Variants in KRR1 observed in about 807,000 individuals in gnomAD.
The protein encoded by KRR1 is KRR1 small subunit processome component homolog.
A neutral mutation model predicts 50.0 loss-of-function variants in KRR1; 23 were observed. The ratio of observed to expected loss-of-function variants is 0.46; its 90% CI spans 0.33 to 0.65. The LOEUF (loss-of-function observed/expected upper bound fraction) is 0.65, where lower values mean the gene tolerates loss of function less well. KRR1 is among the 30% of genes least tolerant of loss of function. The pLI is 0.02. For missense variants in KRR1, 419 were observed against 442.4 expected, an observed-to-expected ratio of 0.95 and a Z score of 0.47; for synonymous variants, 133 against 146.3, an observed-to-expected ratio of 0.91 and a Z score of 0.66.
chr12:75,508,265 T>C lies in KRR1; in HGVS notation c.258+9A>G, dbSNP rs1268416363. The C allele has an allele frequency of 2.5e-6, 4 of 1,588,690 alleles. No homozygotes were observed. The highest frequency in any genetic ancestry group is 1.1e-5 in the South Asian group (1 of 88,224). On this transcript the variant is annotated intron_variant, in intron 2 of 9. Transcript: ENST00000229214. ...CTCAAATAAATGTATTGATATAAGA[T>C]ACACATACATGTTCATTTAAGGCTT...
intron 2 of KRR1, 36 bp downstream of exon 2, chr12:75,508,238 G>T: frequency 4.9e-6 from 7 of 1,436,498 alleles, no homozygotes; most frequent in Non-Finnish European, 5.7e-6. Flanking sequence ...CAAGAGCAAA[G>T]TCTCAAATAA....
intron 1 of KRR1, among the ~76,000 whole-genome samples, chr12:75,508,815 G>C (rs1319325996): frequency 6.6e-6 from 1 of 152,088 alleles, no homozygotes; most frequent in Non-Finnish European, 1.5e-5. Flanking sequence ...ATGCCATTTT[G>C]GTTAGTATTT....
In KRR1 at chr12:75,498,838, G is replaced by A; in HGVS notation, c.*971C>T. ...TTGTTTCACAGGTTACTACTCTGTT[G>A]TATATCCAGGCTGGCCCATATATCC... On this transcript the variant is annotated 3_prime_UTR_variant, in exon 10 of 10. Transcript: ENST00000229214. 1 of 1,612,540 alleles carries A rather than the reference G, an allele frequency of 6.2e-7. No individual in the cohort carries two copies. Among genetic ancestry groups the A allele is most frequent in the Non-Finnish European group, 8.5e-7 (1 of 1,178,972 alleles).
rs955266636 is a variant in KRR1, at chr12:75,496,702, G to T, written c.*3107C>A. 6 of 152,152 alleles carry T rather than the reference G, an allele frequency of 3.9e-5. No homozygotes were observed. The highest frequency in any genetic ancestry group is 8.8e-5 in the Non-Finnish European group (6 of 68,030). The allele number at this position is 152,152 out of a possible 1,614,324, so 9.4% of individuals were successfully genotyped here. A position where few individuals can be genotyped will look rare whatever the true frequency, so the allele number is the denominator to read the frequency against. On this transcript the variant is annotated 3_prime_UTR_variant, in exon 10 of 10. Transcript: ENST00000229214. ...GAGTAGGGTGCTTAGAATAGAGGAA[G>T]GACAGAGTCGGCCAAGTTCCACTGC...
At chr12:75,505,849 T>C (rs1255705540) in intron 5 of KRR1, among the ~76,000 whole-genome samples, 1 of 152,104 alleles carries the variant, frequency 6.6e-6, no homozygotes, top group Non-Finnish European at 1.5e-5. Flanking sequence ...AAAGAAAATG[T>C]TCATGAAAAG....
Position 75,493,117 on chromosome 12 carries a change from T to C in KRR1, c.*6692A>G, listed in dbSNP as rs2046332548. 1.3e-5 allele frequency: 2 copies of C among 152,072 alleles called. No individual in the cohort carries two copies. Among genetic ancestry groups the C allele is most frequent in the East Asian group, 1.9e-4 (1 of 5,194 alleles). The allele number at this position is 152,072 out of a possible 1,614,324, so 9.4% of individuals were successfully genotyped here. ...AGATGAAACGGGGGGAGGAAGGCAG[T>C]TGCAGATCTAGCGGGAACTTTTAGA... On this transcript the variant is annotated 3_prime_UTR_variant, in exon 10 of 10. Coordinates refer to ENST00000229214, the MANE Select transcript of KRR1 (RefSeq NM_007043.7).
Position 75,496,007 on chromosome 12 carries a change from TTG to T in KRR1, c.*3800_*3801del, listed in dbSNP as rs1491294044. The T allele has an allele frequency of 1.2e-3, 152 of 129,164 alleles. 1 individual carries two copies. Among genetic ancestry groups the T allele is most frequent in the East Asian group, 9.8e-3 (41 of 4,192 alleles). The allele number at this position is 129,164 out of a possible 1,614,324, so 8.0% of individuals were successfully genotyped here. ...CAGAATTCTGTTTTCGTTTTTTTTT[TTG>T]TTTTTTTTTTTTGAGACAGAGTCTT... On this transcript the variant is annotated 3_prime_UTR_variant, in exon 10 of 10. Transcript: ENST00000229214.
rs756010098 is a variant in KRR1, at chr12:75,498,989, G to GAAAGA, written c.*815_*819dup. 2.0e-6 allele frequency: 3 copies of GAAAGA among 1,524,854 alleles called. No homozygotes were observed. In the East Asian group the frequency reaches 7.0e-5, roughly 36 times the overall value. 94.5% of individuals were successfully genotyped at this position (1,524,854 alleles called of 1,614,324 possible). On this transcript the variant is annotated 3_prime_UTR_variant, in exon 10 of 10. Transcript: ENST00000229214. Reference sequence around the variant, plus strand: ...GTTCTTTTGGACTAATACAATTCAGGAAAGAAAAAACCCAAAAACCAACCT... The same window carrying GAAAGA: ...GTTCTTTTGGACTAATACAATTCAGGAAAGAAAAGAAAAAACCCAAAAACCAACCT...
At position 75,498,395 on chromosome 12, in the gene KRR1, TTTTA is replaced by T. The variant is rs1322986337; in HGVS notation, c.*1410_*1413del. On this transcript the variant is annotated 3_prime_UTR_variant, in exon 10 of 10. Transcript: ENST00000229214. ...AATTTCTCACATTCTAATATTTAAT[TTTTA>T]TTTTTTAAATTTTATTACCTGCTAG... 4.5e-6 allele frequency: 1 copy of T among 222,034 alleles called. No individual in the cohort carries two copies. The highest frequency in any genetic ancestry group is 1.3e-4 in the South Asian group (1 of 7,912). The allele number at this position is 222,034 out of a possible 1,614,324, so 13.8% of individuals were successfully genotyped here.
At chr12:75,501,439 G>A (rs188677637) in intron 9 of KRR1, 1 of 293,180 alleles carries the variant, frequency 3.4e-6, no homozygotes, top group African/African-American at 2.2e-5. Context: ...TACAGAAGAT[G>A]CACTGGCTGC....
Position 75,499,811 on chromosome 12 carries a change from A to G in KRR1, c.1144T>C (p.Ter382GlnextTer17). The G allele has an allele frequency of 6.3e-7, 1 of 1,597,006 alleles. No homozygotes were observed. The highest frequency in any genetic ancestry group is 8.5e-7 in the Non-Finnish European group (1 of 1,173,792). ...ADEKKKKKKK[*>Q] ...CTAGTCAAGGAGTTTTGGGTATGTT[A>G]CTTTTTTTTCTTCTTTTTCTTTTCA... is the stretch of plus-strand genomic sequence containing the variant. Residue 382 changes from the stop codon to glutamine, a stop_lost, in exon 10 of 10, where the codon TAA becomes CAA. Transcript: ENST00000229214.
In KRR1 at chr12:75,494,826, G is replaced by C. The variant is rs2046341168; in HGVS notation, c.*4983C>G. The C allele has an allele frequency of 6.6e-6, 1 of 152,162 alleles. No individual in the cohort carries two copies. Among genetic ancestry groups the C allele is most frequent in the Non-Finnish European group, 1.5e-5 (1 of 68,032 alleles). 9.4% of individuals were successfully genotyped at this position (152,162 alleles called of 1,614,324 possible). On this transcript the variant is annotated 3_prime_UTR_variant, in exon 10 of 10. Coordinates refer to ENST00000229214, the MANE Select transcript of KRR1 (RefSeq NM_007043.7). ...TGGATATTATTTCACTTTCTAGTCT[G>C]TGACCTTGGTCAATTACTTATACTC...
Position 75,491,232 on chromosome 12 carries a change from T to G in KRR1, c.*8577A>C, listed in dbSNP as rs561536223. 3 of 152,334 alleles carry G rather than the reference T, an allele frequency of 2.0e-5. No homozygotes were observed. In the East Asian group the frequency reaches 5.8e-4, roughly 29 times the overall value. The allele number at this position is 152,334 out of a possible 1,614,324, so 9.4% of individuals were successfully genotyped here. A position where few individuals can be genotyped will look rare whatever the true frequency, so the allele number is the denominator to read the frequency against. On this transcript the variant is annotated 3_prime_UTR_variant, in exon 10 of 10. Transcript: ENST00000229214. Reference sequence around the variant, plus strand: ...GCACTGTTAAAGTGCTTCACATATATTAACTTAATCTTCACCAGAAGTTTA... The same window carrying G: ...GCACTGTTAAAGTGCTTCACATATAGTAACTTAATCTTCACCAGAAGTTTA...
intron 9 of KRR1, chr12:75,500,620 G>T (rs571976404): frequency 6.6e-6 from 1 of 151,990 alleles, no homozygotes; most frequent in African/African-American, 2.4e-5. Flanking sequence ...TTGAGAGTGT[G>T]TGGAAGTCCC....
Position 75,494,330 on chromosome 12 carries a change from T to C in KRR1, c.*5479A>G, listed in dbSNP as rs1161214262. 6.6e-6 allele frequency: 1 copy of C among 152,228 alleles called. No homozygotes were observed. Among genetic ancestry groups the C allele is most frequent in the African/African-American group, 2.4e-5 (1 of 41,458 alleles). 9.4% of individuals were successfully genotyped at this position (152,228 alleles called of 1,614,324 possible). ...TTAAAAATAACATTTCCTTTCATTA[T>C]GAATGAAGACAACACTCCACCATCA... On this transcript the variant is annotated 3_prime_UTR_variant, in exon 10 of 10. Coordinates refer to ENST00000229214, the MANE Select transcript of KRR1 (RefSeq NM_007043.7).
rs2046328250 is a variant in KRR1 at position 75,492,306 on chromosome 12, TC to T, written c.*7502del. 1 of 152,274 alleles carries T rather than the reference TC, an allele frequency of 6.6e-6. No homozygotes were observed. The highest frequency in any genetic ancestry group is 2.1e-4 in the South Asian group (1 of 4,832). 9.4% of individuals were successfully genotyped at this position (152,274 alleles called of 1,614,324 possible). On this transcript the variant is annotated 3_prime_UTR_variant, in exon 10 of 10. Transcript: ENST00000229214. ...CATATTGCCCAGGCTCATCTCCAAC[TC>T]CTGGGCTAAAGTGATCCACCTGCCT...
rs991573015 is a variant in KRR1, at chr12:75,491,838, T to G, written c.*7971A>C. On this transcript the variant is annotated 3_prime_UTR_variant, in exon 10 of 10. Coordinates refer to ENST00000229214, the MANE Select transcript of KRR1 (RefSeq NM_007043.7). ...GGTTTTTAACCATTTGCAATATATA[T>G]AATGATCTTTAATTTGTTGCCTTTG... 6.6e-6 allele frequency: 1 copy of G among 152,200 alleles called. No individual in the cohort carries two copies. The highest frequency in any genetic ancestry group is 1.5e-5 in the Non-Finnish European group (1 of 68,040). The allele number at this position is 152,200 out of a possible 1,614,324, so 9.4% of individuals were successfully genotyped here.
In KRR1 at chr12:75,499,776, G is replaced by C; in HGVS notation, c.*33C>G. The C allele has an allele frequency of 1.3e-6, 2 of 1,518,442 alleles. No individual in the cohort carries two copies. The highest frequency in any genetic ancestry group is 2.5e-5 in the South Asian group (2 of 78,954). The allele number at this position is 1,518,442 out of a possible 1,614,324, so 94.1% of individuals were successfully genotyped here. ...TGATATCTCAAAATCCTTTACAAAA[G>C]GAGATAGTTCTAGTCAAGGAGTTTT... On this transcript the variant is annotated 3_prime_UTR_variant, in exon 10 of 10. Coordinates refer to ENST00000229214, the MANE Select transcript of KRR1 (RefSeq NM_007043.7).
chr12:75,499,628 T>C lies in KRR1; in HGVS notation c.*181A>G, dbSNP rs1305046060. The C allele has an allele frequency of 1.4e-5, 5 of 350,184 alleles. No individual in the cohort carries two copies. The highest frequency in any genetic ancestry group is 8.6e-5 in the African/African-American group (4 of 46,282). 21.7% of individuals were successfully genotyped at this position (350,184 alleles called of 1,614,324 possible). A position where few individuals can be genotyped will look rare whatever the true frequency, so the allele number is the denominator to read the frequency against. On this transcript the variant is annotated 3_prime_UTR_variant, in exon 10 of 10. Coordinates refer to ENST00000229214, the MANE Select transcript of KRR1 (RefSeq NM_007043.7). ...AAGACTTATATACCACTTTCTCGTATAAATTTTTCAAAAAATACAATAATA... is the reference window on the plus strand; with the variant it reads ...AAGACTTATATACCACTTTCTCGTACAAATTTTTCAAAAAATACAATAATA...
Sources: gnomAD v4.1 joint callset for allele counts (sites outside exome capture counted in the v4.1 genomes callset) on GRCh38, gnomAD v4.1.1 for gene constraint, MANE v1.5 for transcripts, NCBI Gene and HGNC (gene_info 2026-07-23, HGNC 2026-07-21) for gene names.